The following PID1 variants were observed in gnomAD, a reference collection of about 807,000 sequenced individuals.
PID1 encodes the protein phosphotyrosine interaction domain containing 1.
A neutral mutation model predicts 19.1 loss-of-function variants in PID1; 10 were observed. The observed-to-expected ratio is 0.52, with a 90% CI of 0.32 to 0.89. PID1 has a LOEUF of 0.89. PID1 is among the 40% of genes least tolerant of loss of function. The pLI is 0.03. For missense variants in PID1, 248 were observed against 285.3 expected (o/e 0.87, Z 0.94); for synonymous variants, 130 against 116.0 (o/e 1.12, Z -0.78).
chr2:229,059,810 A>G (rs1264162179), intron 2 of PID1, among the ~76,000 whole-genome samples: 2 of 152,068 alleles, frequency 1.3e-5, no homozygotes, highest in African/African-American at 4.8e-5. Flanking sequence ...TTCACTCAAT[A>G]TTTACAGAGC....
chr2:229,091,857 T>G (rs962590109), intron 2 of PID1, among the ~76,000 whole-genome samples: 3 of 152,198 alleles, frequency 2.0e-5, no homozygotes, highest in African/African-American at 7.2e-5. Flanking sequence ...TCTTTGGATT[T>G]TTCACTGCCA....
intron 1 of PID1, among the ~76,000 whole-genome samples, chr2:229,182,528 C>A (rs1450272341): frequency 6.6e-6 from 1 of 152,138 alleles, no homozygotes; most frequent in African/African-American, 2.4e-5. Context: ...AACTCCCTGA[C>A]CATGAGCTTT....
At chr2:229,183,060 T>C (rs1209625294) in intron 1 of PID1, among the ~76,000 whole-genome samples, 1 of 152,238 alleles carries the variant, frequency 6.6e-6, no homozygotes, top group East Asian at 1.9e-4. Context: ...AATAGGGTCT[T>C]TGCACATGTA....
intron 2 of PID1, among the ~76,000 whole-genome samples, chr2:229,100,194 A>C (rs1695048881): frequency 6.6e-6 from 1 of 152,210 alleles, no homozygotes; most frequent in African/African-American, 2.4e-5. Context: ...TCTATTGTTT[A>C]AGCCGCTCCA....
At chr2:229,155,584 A>T (rs1690351872) in intron 2 of PID1, among the ~76,000 whole-genome samples, 1 of 152,088 alleles carries the variant, frequency 6.6e-6, no homozygotes, top group Non-Finnish European at 1.5e-5. Context: ...AAAAAAAACA[A>T]AAACAAAAAA....
chr2:229,211,767 A>C (rs1213550612), intron 1 of PID1, among the ~76,000 whole-genome samples: 1 of 152,246 alleles, frequency 6.6e-6, no homozygotes, highest in Admixed American at 6.5e-5. Flanking sequence ...GTCAGAAAAG[A>C]AAGTTTCTGG....
chr2:229,143,894 A>G (rs1328497294), intron 2 of PID1, among the ~76,000 whole-genome samples: 1 of 151,866 alleles, frequency 6.6e-6, no homozygotes, highest in Non-Finnish European at 1.5e-5. Flanking sequence ...AGTCAATTAA[A>G]CCCCTTTTCC....
chr2:229,263,035 T>C (rs1690500365), intron 1 of PID1: 1 of 753,176 alleles, frequency 1.3e-6, no homozygotes, highest in South Asian at 3.5e-5. Flanking sequence ...CAACACATCT[T>C]TTAGGGGAAC....
At chr2:229,133,765 C>T (rs1689796303) in intron 2 of PID1, among the ~76,000 whole-genome samples, 1 of 151,786 alleles carries the variant, frequency 6.6e-6, no homozygotes, top group Non-Finnish European at 1.5e-5. Flanking sequence ...TTGAGCTGGA[C>T]AATTCTTTTT....
intron 2 of PID1, among the ~76,000 whole-genome samples, chr2:229,099,517 G>A (rs997208232): frequency 2.0e-5 from 3 of 152,114 alleles, no homozygotes; most frequent in Non-Finnish European, 2.9e-5. Flanking sequence ...TGAGAGAAGC[G>A]GGAGAGTTTA....
chr2:229,255,184 G>A (rs757765101), intron 1 of PID1, among the ~76,000 whole-genome samples: 4 of 152,166 alleles, frequency 2.6e-5, no homozygotes, highest in South Asian at 2.1e-4. Flanking sequence ...CACAGCATCC[G>A]TGCTTTCATG....
chr2:229,140,341 T>C (rs989445001), intron 2 of PID1, among the ~76,000 whole-genome samples: 10 of 152,084 alleles, frequency 6.6e-5, no homozygotes, highest in Non-Finnish European at 1.3e-4. Context: ...AAGGAGTTGA[T>C]GGGACACTTC....
At chr2:229,125,881 T>C (rs986695207) in intron 2 of PID1, among the ~76,000 whole-genome samples, 1 of 152,146 alleles carries the variant, frequency 6.6e-6, no homozygotes, top group Non-Finnish European at 1.5e-5. Flanking sequence ...AAATTGAGCA[T>C]GTTGAGCAAA....
intron 2 of PID1, among the ~76,000 whole-genome samples, chr2:229,098,422 G>T (rs1695012906): frequency 6.6e-6 from 1 of 152,178 alleles, no homozygotes; most frequent in African/African-American, 2.4e-5. Context: ...TCAGAGCCTT[G>T]AAATGAAGCT....
chr2:229,171,084 T>C (rs1342323112), intron 1 of PID1, among the ~76,000 whole-genome samples: 1 of 152,218 alleles, frequency 6.6e-6, no homozygotes, highest in Admixed American at 6.5e-5. Flanking sequence ...AGCTTGACAG[T>C]ATCAGAGTGA....
intron 1 of PID1, chr2:229,232,047 C>CTGAA: frequency 6.5e-7 from 1 of 1,542,558 alleles, no homozygotes; most frequent in Non-Finnish European, 8.7e-7. Flanking sequence ...AAGGGGCAGG[C>CTGAA]TGAACATGGC....
chr2:229,207,621 G>T (rs1031095261), intron 1 of PID1, among the ~76,000 whole-genome samples: 1 of 151,436 alleles, frequency 6.6e-6, no homozygotes, highest in Non-Finnish European at 1.5e-5. Context: ...CTCAGATGCA[G>T]ACGGTCAGAC....
chr2:229,065,666 T>C (rs980534905), intron 2 of PID1, among the ~76,000 whole-genome samples: 1 of 142,554 alleles, frequency 7.0e-6, no homozygotes, highest in African/African-American at 2.7e-5. Context: ...AGTTTTTTCA[T>C]TGTATTGTTT....
Position 229,184,290 on chromosome 2 carries a change from A to ATATATATATCCCATG in PID1, c.31-28341_31-28327dup, listed in dbSNP as rs1691040249. On this transcript the variant is annotated intron_variant, in intron 1 of 2. Transcript: ENST00000392055. Reference sequence around the variant, plus strand: ...TGTATATATCCCATATATATATCCCATATATATATCCCATGTATATATATC... The same window carrying ATATATATATCCCATG: ...TGTATATATCCCATATATATATCCCATATATATATCCCATGTATATATATCCCATGTATATATATC... Among the ~76,000 whole-genome samples the ATATATATATCCCATG allele has an allele frequency of 2.6e-5, 2 of 78,366 alleles. 1 individual carries two copies. Among genetic ancestry groups the ATATATATATCCCATG allele is most frequent in the African/African-American group, 9.2e-5 (2 of 21,730 alleles). The allele number at this position is 78,366 out of a possible 152,430, so 51.4% of individuals were successfully genotyped here. A position where few individuals can be genotyped will look rare whatever the true frequency, so the allele number is the denominator to read the frequency against.
Sources: allele counts gnomAD v4.1 joint callset (sites outside exome capture counted in the v4.1 genomes callset), GRCh38; gene constraint gnomAD v4.1.1; transcripts MANE v1.5; gene names NCBI Gene and HGNC (gene_info 2026-07-23, HGNC 2026-07-21).